ZNF584: variants seen among roughly 807,000 people sequenced by gnomAD.
ZNF584 encodes zinc finger protein 584.
Under a neutral mutation model 14.7 loss-of-function variants are expected in ZNF584, and 12 were observed. The observed-to-expected ratio is 0.82, with a 90% CI of 0.52 to 1.32. The LOEUF (loss-of-function observed/expected upper bound fraction) is 1.32. Among genes scored for constraint, ZNF584 ranks in the 40% most tolerant of loss-of-function variants. The pLI is 0.00. For synonymous variants in ZNF584, 204 were observed against 190.9 expected, an observed-to-expected ratio of 1.07 and a Z score of -0.57; for missense variants, 478 against 518.8, an observed-to-expected ratio of 0.92 and a Z score of 0.76.
At chr19:58,407,504 T>C (rs2052483917), upstream of ZNF584, among the ~76,000 whole-genome samples, 1 of 152,216 alleles carries the variant, frequency 6.6e-6, no homozygotes, top group Admixed American at 6.5e-5. Context: ...GGGTAGAATG[T>C]GTGGGGTGTC....
upstream of ZNF584, chr19:58,407,424 C>G (rs753613337): frequency 6.6e-6 from 1 of 152,188 alleles, no homozygotes. Context: ...AGGAAGTGAC[C>G]GAGCTGAACG....
intron 3 of ZNF584, chr19:58,416,186 A>G (rs1056425626): frequency 9.6e-6 from 4 of 417,272 alleles, no homozygotes; most frequent in African/African-American, 7.9e-5. Context: ...GTGGAGCCAT[A>G]TTCAGTTGTG....
rs1342507549 is a variant in ZNF584 at position 58,410,595 on chromosome 19, A to ATATATGTG, written c.169+509_169+510insGTGTATAT. Among the ~76,000 whole-genome samples the ATATATGTG allele has an allele frequency of 8.3e-4, 29 of 35,094 alleles. 5 individuals carry two copies. In the African/African-American group the frequency reaches 8.3e-3, roughly 10 times the overall value. 23.0% of individuals were successfully genotyped at this position (35,094 alleles called of 152,430 possible). On this transcript the variant is annotated intron_variant, in intron 2 of 3. Coordinates refer to ENST00000306910, the MANE Select transcript of ZNF584 (RefSeq NM_173548.3). ...TATGTATATATATGTATATATATGTATATATATGTATATATATGTGTATAT... is the reference window on the plus strand; with the variant it reads ...TATGTATATATATGTATATATATGTATATATGTGTATATATGTATATATATGTGTATAT...
chr19:58,407,800 G>C (rs1014208010), upstream of ZNF584, among the ~76,000 whole-genome samples: 1 of 152,184 alleles, frequency 6.6e-6, no homozygotes, highest in African/African-American at 2.4e-5. Context: ...ACACCCAGGA[G>C]CCCGGTTATT....
rs1223527646 is a variant in ZNF584 at position 58,410,561 on chromosome 19, GTA to G, written c.169+480_169+481del. Among the ~76,000 whole-genome samples the G allele has an allele frequency of 9.3e-3, 190 of 20,448 alleles. 35 individuals carry two copies. The highest frequency in any genetic ancestry group is 0.017 in the East Asian group (19 of 1,090). The allele number at this position is 20,448 out of a possible 152,430, so 13.4% of individuals were successfully genotyped here. ...TATATATATATATATATATATATGT[GTA>G]TATATATATGTATATATATGTATAT... On this transcript the variant is annotated intron_variant, in intron 2 of 3. Transcript: ENST00000306910.
chr19:58,413,593 G>GC (rs1403904669), intron 2 of ZNF584, among the ~76,000 whole-genome samples: 9 of 149,772 alleles, frequency 6.0e-5, no homozygotes, highest in African/African-American at 1.5e-4. Flanking sequence ...TGCAACCTCC[G>GC]CCCCCCAAGT....
chr19:58,404,839 C>A (rs2052453724), upstream of ZNF584: 2 of 159,580 alleles, frequency 1.3e-5, no homozygotes, highest in Non-Finnish European at 1.3e-5. Context: ...ACCTCCCGGA[C>A]AGGGCGGCTC....
intron 3 of ZNF584, chr19:58,416,176 G>T: frequency 2.2e-6 from 1 of 458,300 alleles, no homozygotes. Context: ...CTGTAGTCTG[G>T]TGGAGCCATA....
At chr19:58,409,296 G>C in intron 1 of ZNF584, 131 bp downstream of exon 1, 3 of 1,113,672 alleles carry the variant, frequency 2.7e-6, no homozygotes, top group Non-Finnish European at 3.6e-6. Context: ...CACGGCTGGG[G>C]CATGCCCTTG....
rs765435688 is a variant in ZNF584, at chr19:58,417,537, G to C, written c.1019G>C (p.Gly340Ala). ...QCGKGYVTRS[G>A]LYQHWKVHTG... The stretch of plus-strand genomic sequence containing the variant: ...GGGAAAGGCTACGTGACCCGTTCAG[G>C]CCTCTATCAGCACTGGAAAGTCCAC... Residue 340 changes from glycine (G) to alanine (A), a missense_variant, in exon 4 of 4, where the codon GGC becomes GCC. Gly to Ala is a moderately conservative substitution (Grantham distance 60, BLOSUM62 0). Coordinates refer to ENST00000306910, the MANE Select transcript of ZNF584 (RefSeq NM_173548.3). 1 of 1,614,156 alleles carries C rather than the reference G, an allele frequency of 6.2e-7. No individual in the cohort carries two copies. The highest frequency in any genetic ancestry group is 1.1e-5 in the South Asian group (1 of 91,072).
chr19:58,402,048 G>A (rs2052435078), intron 1 of ZNF584, among the ~76,000 whole-genome samples: 1 of 151,640 alleles, frequency 6.6e-6, no homozygotes, highest in Admixed American at 6.6e-5. Context: ...CAGCCCGGGC[G>A]ACAGAGCGAG....
intron 1 of ZNF584, among the ~76,000 whole-genome samples, chr19:58,402,877 C>A (rs1023102254): frequency 6.8e-6 from 1 of 148,126 alleles, no homozygotes; most frequent in Non-Finnish European, 1.5e-5. Context: ...GACCCCTCAC[C>A]TAAGAAAAAT....
In ZNF584 at chr19:58,410,591, A is replaced by G. The variant is rs145753795; in HGVS notation, c.169+500A>G. ...TATATATGTATATATATGTATATAT[A>G]TGTATATATATGTATATATATGTGT... On this transcript the variant is annotated intron_variant, in intron 2 of 3. Transcript: ENST00000306910. 2.8e-3 allele frequency among the ~76,000 whole-genome samples: 92 copies of G among 33,070 alleles called. 9 individuals are homozygous for G. Among genetic ancestry groups the G allele is most frequent in the East Asian group, 0.013 (29 of 2,154 alleles). 21.7% of individuals were successfully genotyped at this position (33,070 alleles called of 152,430 possible).
intron 2 of ZNF584, among the ~76,000 whole-genome samples, chr19:58,412,197 G>GCCTTTTTTTTTTTTTTTTTT (rs1225346355): frequency 5.1e-5 from 5 of 97,978 alleles, no homozygotes; most frequent in African/African-American, 2.8e-4. Context: ...GGCCAGGGTG[G>GCCTTTTTTTTTTTTTTTTTT]TCTTTTTTTT....
Position 58,417,604 on chromosome 19 carries a change from C to G in ZNF584, c.1086C>G (p.Thr362=), listed in dbSNP as rs866004117. Residue 362 remains threonine (T), a synonymous_variant, in exon 4 of 4, where the codon ACC becomes ACG. Transcript: ENST00000306910. ...ATGAATGTAGCCTGTGTGGGAAAAC[C>G]TTCACTACCAGATCCTACCGCAATC... ...RPYECSLCGK[T]FTTRSYRNRH... The G allele has an allele frequency of 6.2e-6, 10 of 1,614,022 alleles. No individual in the cohort carries two copies. The highest frequency in any genetic ancestry group is 3.3e-5 in the Admixed American group (2 of 59,984).
At chr19:58,404,845 G>C (rs1027703446), upstream of ZNF584, 29 of 155,632 alleles carry the variant, frequency 1.9e-4, no homozygotes, top group Admixed American at 1.3e-3. Flanking sequence ...CGGACAGGGC[G>C]GCTCGCCAGG....
chr19:58,416,521 G>A, intron 3 of ZNF584: 1 of 239,078 alleles, frequency 4.2e-6, no homozygotes, highest in East Asian at 8.2e-5. Context: ...TCCTGCCTCA[G>A]CCTCCCGAGT....
chr19:58,409,193 A>G, intron 1 of ZNF584, 28 bp downstream of exon 1: 1 of 1,409,940 alleles, frequency 7.1e-7, no homozygotes, highest in South Asian at 1.6e-5. Flanking sequence ...CCGAGGAATG[A>G]GGGGGCCCAC....
chr19:58,417,925 G>A lies in ZNF584; in HGVS notation c.*141G>A. 9.0e-7 allele frequency: 1 copy of A among 1,109,902 alleles called. No homozygotes were observed. Among genetic ancestry groups the A allele is most frequent in the Non-Finnish European group, 1.3e-6 (1 of 785,224 alleles). The allele number at this position is 1,109,902 out of a possible 1,614,324, so 68.8% of individuals were successfully genotyped here. On this transcript the variant is annotated 3_prime_UTR_variant, in exon 4 of 4. Coordinates refer to ENST00000306910, the MANE Select transcript of ZNF584 (RefSeq NM_173548.3). The stretch of plus-strand genomic sequence containing the variant: ...GTTCCCGTGTGTGCCTGGTGTGTGG[G>A]ACGCTTTCGGGAGCCACATTGCACT...
Sources: gnomAD v4.1 joint callset for allele counts (sites outside exome capture counted in the v4.1 genomes callset) on GRCh38, gnomAD v4.1.1 for gene constraint, MANE v1.5 for transcripts, NCBI Gene and HGNC (gene_info 2026-07-23, HGNC 2026-07-21) for gene names.